Variants in RADIL observed in about 807,000 individuals in gnomAD.
The protein encoded by RADIL is ras-associating and dilute domain-containing protein.
A neutral mutation model predicts 97.6 loss-of-function variants in RADIL; 99 were observed. The ratio of observed to expected loss-of-function variants is 1.01; its 90% CI spans 0.86 to 1.20. The LOEUF is 1.20. RADIL is among the 50% of genes most tolerant of loss of function. The pLI, the probability that RADIL is intolerant of heterozygous loss-of-function variation, is 0.00. For missense variants in RADIL, 1,765 were observed against 1,498.9 expected (o/e 1.18, Z -2.93); for synonymous variants, 803 against 691.8 (o/e 1.16, Z -2.52).
Position 4,798,705 on chromosome 7 carries a change from G to C in RADIL, c.*673C>G, listed in dbSNP as rs1047990400. On this transcript the variant is annotated 3_prime_UTR_variant, in exon 15 of 15. Transcript: ENST00000399583. ...TATCAGGGCCACGCTGGTGGCTTTA[G>C]TAGGGGAGAGGAACTCAGGAGGGAG... The C allele has an allele frequency of 2.0e-5, 3 of 152,636 alleles. No individual in the cohort carries two copies. Among genetic ancestry groups the C allele is most frequent in the African/African-American group, 7.2e-5 (3 of 41,482 alleles). The allele number at this position is 152,636 out of a possible 1,614,324, so 9.5% of individuals were successfully genotyped here. A position where few individuals can be genotyped will look rare whatever the true frequency, so the allele number is the denominator to read the frequency against.
Position 4,837,680 on chromosome 7 carries a change from C to T in RADIL, c.536-1075G>A, listed in dbSNP as rs1459517873. On this transcript the variant is annotated intron_variant, in intron 2 of 14. Coordinates refer to ENST00000399583, the MANE Select transcript of RADIL (RefSeq NM_018059.5). The surrounding 1 kb of genome is among the most constrained non-coding windows in gnomAD (Gnocchi z 5.6). ...ACACGCCAACACACATGCACCCACA[C>T]ACATTAACACATACATGCACACAAA... 2.9e-6 allele frequency: 1 copy of T among 343,524 alleles called. No homozygotes were observed. The highest frequency in any genetic ancestry group is 4.1e-6 in the Non-Finnish European group (1 of 243,594). The allele number at this position is 343,524 out of a possible 1,614,324, so 21.3% of individuals were successfully genotyped here. A position where few individuals can be genotyped will look rare whatever the true frequency, so the allele number is the denominator to read the frequency against.
chr7:4,823,517 AG>A (rs1296915201), intron 5 of RADIL, among the ~76,000 whole-genome samples: 1 of 152,074 alleles, frequency 6.6e-6, no homozygotes, highest in East Asian at 1.9e-4. Flanking sequence ...TAACAAAAGC[AG>A]AAGTAGCTCA....
intron 2 of RADIL, among the ~76,000 whole-genome samples, chr7:4,864,376 C>T (rs891032075): frequency 6.6e-6 from 1 of 152,254 alleles, no homozygotes; most frequent in Non-Finnish European, 1.5e-5. Context: ...TTTCTCCTCA[C>T]TGCATGTACA....
In RADIL at chr7:4,880,653, G is replaced by T. The variant is rs76044911; in HGVS notation, c.-64-2450C>A. Among the ~76,000 whole-genome samples, 522 of 152,312 alleles carry T rather than the reference G, an allele frequency of 3.4e-3. 2 individuals carry two copies. Among genetic ancestry groups the T allele is most frequent in the African/African-American group, 0.012 (481 of 41,562 alleles). Reference sequence around the variant, plus strand: ...CCTTTTCATAGTGCTCATTTCCAACGGGTTCCCCAGGGTGCAAAGGCAAAG... The same window carrying T: ...CCTTTTCATAGTGCTCATTTCCAACTGGTTCCCCAGGGTGCAAAGGCAAAG... On this transcript the variant is annotated intron_variant, in intron 1 of 14. Coordinates refer to ENST00000399583, the MANE Select transcript of RADIL (RefSeq NM_018059.5). The surrounding 1 kb of genome is among the most constrained non-coding windows in gnomAD (Gnocchi z 4.5).
rs1290391248 is a variant in RADIL at position 4,813,339 on chromosome 7, A to G, written c.2139+1939T>C. On this transcript the variant is annotated intron_variant, in intron 9 of 14. Transcript: ENST00000399583. This position sits in a 1 kb window ranked among gnomAD's most constrained non-coding sequence, Gnocchi z 5.0. ...CTTCCCAAGGGGTCCTGGACTCGTC[A>G]TCTCTGTCTCCTCTACACTGTGAAG... 1.3e-5 allele frequency among the ~76,000 whole-genome samples: 2 copies of G among 152,100 alleles called. No homozygotes were observed. Among genetic ancestry groups the G allele is most frequent in the East Asian group, 3.9e-4 (2 of 5,182 alleles).
intron 5 of RADIL, among the ~76,000 whole-genome samples, chr7:4,831,188 T>A (rs1783129653): frequency 1.4e-5 from 2 of 138,004 alleles, no homozygotes; most frequent in South Asian, 4.8e-4. Context: ...CGAAACCCCA[T>A]CTCAAAAAAA....
At chr7:4,846,935 T>C (rs1190495074) in intron 2 of RADIL, among the ~76,000 whole-genome samples, 1 of 152,096 alleles carries the variant, frequency 6.6e-6, no homozygotes, top group Non-Finnish European at 1.5e-5. Context: ...TAAAATACAA[T>C]AAAAAATGCT....
chr7:4,842,441 T>C lies in RADIL; in HGVS notation c.536-5836A>G, dbSNP rs1048746621. On this transcript the variant is annotated intron_variant, in intron 2 of 14. Coordinates refer to ENST00000399583, the MANE Select transcript of RADIL (RefSeq NM_018059.5). The surrounding 1 kb of genome is among the most constrained non-coding windows in gnomAD (Gnocchi z 4.5). ...GCAGCCACAGCCACACGGCTTTGTC[T>C]AGGCCACCCCCCTCCCCTCCTCGAG... is the stretch of plus-strand genomic sequence containing the variant. 5.9e-5 allele frequency among the ~76,000 whole-genome samples: 9 copies of C among 152,122 alleles called. No homozygotes were observed. The highest frequency in any genetic ancestry group is 1.9e-4 in the African/African-American group (8 of 41,424).
intron 2 of RADIL, chr7:4,860,751 G>C (rs751418700): frequency 1.2e-6 from 2 of 1,614,072 alleles, no homozygotes; most frequent in Non-Finnish European, 1.7e-6. Flanking sequence ...GCCTTACTTA[G>C]CAAAATCTCG....
Position 4,819,198 on chromosome 7 carries a change from A to G in RADIL, c.1616-1847T>C, listed in dbSNP as rs908499661. Among the ~76,000 whole-genome samples, 4 of 151,808 alleles carry G rather than the reference A, an allele frequency of 2.6e-5. No individual in the cohort carries two copies. The highest frequency in any genetic ancestry group is 9.7e-5 in the African/African-American group (4 of 41,302). On this transcript the variant is annotated intron_variant, in intron 6 of 14. Transcript: ENST00000399583. The surrounding 1 kb of genome is among the most constrained non-coding windows in gnomAD (Gnocchi z 5.8). ...GCGATTCTCCTGCCTCAGCCTCCCA[A>G]GTAGCTAGGACTACAGGCACATGCC... is the stretch of plus-strand genomic sequence containing the variant.
chr7:4,871,403 G>T (rs954258186), intron 2 of RADIL, among the ~76,000 whole-genome samples: 12 of 152,240 alleles, frequency 7.9e-5, no homozygotes, highest in African/African-American at 2.2e-4. Context: ...CTTCCCGCGT[G>T]CACACAACAG....
intron 11 of RADIL, 22 bp downstream of exon 11, chr7:4,803,524 G>A (rs912482516): frequency 6.6e-7 from 1 of 1,507,968 alleles, no homozygotes; most frequent in African/African-American, 1.4e-5. Context: ...CACGCTGGCT[G>A]GGGGGCCCCC....
chr7:4,860,671 T>C (rs1783964731), intron 2 of RADIL: 2 of 1,614,096 alleles, frequency 1.2e-6, no homozygotes, highest in African/African-American at 2.7e-5. Context: ...TTGATGCACT[T>C]GCCAGAAGTA....
chr7:4,819,166 G>C lies in RADIL; in HGVS notation c.1616-1815C>G, dbSNP rs1414896081. On this transcript the variant is annotated intron_variant, in intron 6 of 14. Coordinates refer to ENST00000399583, the MANE Select transcript of RADIL (RefSeq NM_018059.5). The surrounding 1 kb of genome is among the most constrained non-coding windows in gnomAD (Gnocchi z 5.8). ...AGCTCACTGCAGCCTCAGCTTTCCA[G>C]GTTCAAGCGATTCTCCTGCCTCAGC... is the stretch of plus-strand genomic sequence containing the variant. 2.6e-5 allele frequency among the ~76,000 whole-genome samples: 4 copies of C among 151,606 alleles called. No individual in the cohort carries two copies. The highest frequency in any genetic ancestry group is 4.9e-5 in the African/African-American group (2 of 41,146).
At chr7:4,858,659 A>C (rs923705408) in intron 2 of RADIL, 1 of 152,598 alleles carries the variant, frequency 6.6e-6, no homozygotes, top group African/African-American at 2.4e-5. Context: ...AATGAACAAA[A>C]CTTCTCATAT....
At chr7:4,832,688 G>A (rs1042459776) in intron 4 of RADIL, among the ~76,000 whole-genome samples, 21 of 143,254 alleles carry the variant, frequency 1.5e-4, no homozygotes, top group African/African-American at 5.5e-4. Context: ...GCAGTGAGAC[G>A]AGATCACGCC....
chr7:4,859,983 TG>T (rs1329623725), intron 2 of RADIL: 2 of 1,613,926 alleles, frequency 1.2e-6, no homozygotes, highest in Non-Finnish European at 1.7e-6. Context: ...CTGGCGACCA[TG>T]GCCTTTGGTG....
rs1783942283 is a variant in RADIL, at chr7:4,860,096, G to A, written c.535+17509C>T. On this transcript the variant is annotated intron_variant, in intron 2 of 14. Transcript: ENST00000399583. ...CACCTGTTGCAAGGAAAATTCAGTAGCCTGTATGTTAGCCACAGATGCTGT... is the reference window on the plus strand; with the variant it reads ...CACCTGTTGCAAGGAAAATTCAGTAACCTGTATGTTAGCCACAGATGCTGT... 2.5e-6 allele frequency: 4 copies of A among 1,613,984 alleles called. No homozygotes were observed. Among genetic ancestry groups the A allele is most frequent in the Middle Eastern group, 1.6e-4 (1 of 6,062 alleles).
In RADIL at chr7:4,814,835, G is replaced by T. The variant is rs1471539795; in HGVS notation, c.2139+443C>A. On this transcript the variant is annotated intron_variant, in intron 9 of 14. Coordinates refer to ENST00000399583, the MANE Select transcript of RADIL (RefSeq NM_018059.5). This position sits in a 1 kb window ranked among gnomAD's most constrained non-coding sequence, Gnocchi z 4.5. ...CGTTTCCAGACTGGCTGTCAGCTGG[G>T]GTCACTCCAGCTTCTAGAGGCCACT... Among the ~76,000 whole-genome samples the T allele has an allele frequency of 6.6e-6, 1 of 152,166 alleles. No homozygotes were observed. The highest frequency in any genetic ancestry group is 1.5e-5 in the Non-Finnish European group (1 of 68,044).
Sources: gnomAD v4.1 joint callset for allele counts (sites outside exome capture counted in the v4.1 genomes callset) on GRCh38, gnomAD v4.1.1 for gene constraint, Gnocchi (gnomAD v3.1) non-coding constraint, MANE v1.5 for transcripts, NCBI Gene and HGNC (gene_info 2026-07-23, HGNC 2026-07-21) for gene names.